Variants in NELL2 observed in about 807,000 individuals in gnomAD.
The protein encoded by NELL2 is neural EGFL like 2.
A neutral mutation model predicts 109.6 loss-of-function variants in NELL2; 41 were observed. The ratio of observed to expected loss-of-function variants is 0.37; its 90% confidence interval spans 0.29 to 0.49. NELL2 has a LOEUF of 0.49. Ranked by LOEUF, NELL2 falls within the 20% of genes least tolerant of loss-of-function variation. NELL2 has a pLI of 0.98. For missense variants in NELL2, 900 were observed against 1,008.3 expected, an observed-to-expected ratio of 0.89 and a Z score of 1.45; for synonymous variants, 355 against 344.7, an observed-to-expected ratio of 1.03 and a Z score of -0.33.
At chr12:44,737,373 C>G (rs145591709) in intron 9 of NELL2, among the ~76,000 whole-genome samples, 1 of 121,690 alleles carries the variant, frequency 8.2e-6, no homozygotes, top group African/African-American at 2.7e-5. Context: ...TTATAATAAA[C>G]AAAAAACTTG....
chr12:44,527,374 G>C (rs1941834421), intron 16 of NELL2, among the ~76,000 whole-genome samples: 2 of 152,166 alleles, frequency 1.3e-5, no homozygotes, highest in South Asian at 4.1e-4. Context: ...GTGGAAATGG[G>C]GGATGGATAA....
chr12:44,620,616 T>C (rs557982661), intron 13 of NELL2, among the ~76,000 whole-genome samples: 39 of 152,150 alleles, frequency 2.6e-4, no homozygotes, highest in African/African-American at 9.4e-4. Context: ...TACAGCTAAA[T>C]CTATCCTTAA....
chr12:44,618,757 T>C (rs530398470), intron 13 of NELL2, among the ~76,000 whole-genome samples: 1 of 152,302 alleles, frequency 6.6e-6, no homozygotes, highest in Admixed American at 6.5e-5. Context: ...AGAAGTTGTT[T>C]AGTGCCATAA....
At chr12:44,587,284 A>AAAAAAAAATATATATATATATATAT in intron 15 of NELL2, among the ~76,000 whole-genome samples, 4 of 72,200 alleles carry the variant, frequency 5.5e-5, no homozygotes, top group Non-Finnish European at 1.1e-4. Context: ...AAAAAAAAAA[A>AAAAAAAAATATATATATATATATAT]ATATATATAT....
At chr12:44,680,154 T>C (rs1375639333) in intron 12 of NELL2, among the ~76,000 whole-genome samples, 1 of 152,132 alleles carries the variant, frequency 6.6e-6, no homozygotes, top group Non-Finnish European at 1.5e-5. Flanking sequence ...ACCCAAATTG[T>C]TACCCATCCA....
intron 2 of NELL2, among the ~76,000 whole-genome samples, chr12:44,869,770 C>T (rs1331863078): frequency 6.6e-6 from 1 of 152,128 alleles, no homozygotes; most frequent in Non-Finnish European, 1.5e-5. Flanking sequence ...TTTCTAGTCA[C>T]ATCCTTGGCT....
At chr12:44,553,286 GAAA>G (rs59332982) in intron 15 of NELL2, among the ~76,000 whole-genome samples, 94 of 145,836 alleles carry the variant, frequency 6.4e-4, no homozygotes, top group East Asian at 5.6e-3. Context: ...AATAAAAAAA[GAAA>G]AAAAAAAAAA....
At chr12:44,661,011 C>T (rs984924980) in intron 13 of NELL2, among the ~76,000 whole-genome samples, 5 of 152,078 alleles carry the variant, frequency 3.3e-5, no homozygotes, top group Non-Finnish European at 7.4e-5. Flanking sequence ...TCCACTAAAG[C>T]GTTAACTGAA....
chr12:44,546,975 C>T (rs1348461947), intron 15 of NELL2, among the ~76,000 whole-genome samples: 1 of 152,144 alleles, frequency 6.6e-6, no homozygotes, highest in Non-Finnish European at 1.5e-5. Context: ...ATCTAATTTC[C>T]ATTACAATCA....
At chr12:44,856,192 T>C (rs1037637657) in intron 2 of NELL2, among the ~76,000 whole-genome samples, 2 of 152,178 alleles carry the variant, frequency 1.3e-5, no homozygotes, top group African/African-American at 2.4e-5. Flanking sequence ...CATATTAATC[T>C]AACAAATATA....
In NELL2 at chr12:44,889,123, T is replaced by C. The variant is rs191821494; in HGVS notation, c.39-13223A>G. On this transcript the variant is annotated intron_variant, in intron 1 of 20. Transcript: ENST00000333837. Reference sequence around the variant, plus strand: ...GACCTTAAACTATGCCACATCAGGATTGGCCTATTTTTATCACTCCCTCTT... The same window carrying C: ...GACCTTAAACTATGCCACATCAGGACTGGCCTATTTTTATCACTCCCTCTT... 3.0e-4 allele frequency among the ~76,000 whole-genome samples: 45 copies of C among 152,120 alleles called. No homozygotes were observed. The East Asian group carries it at 8.3e-3, about 28-fold the overall frequency.
At chr12:44,916,600 C>T (rs1024269289), upstream of NELL2, among the ~76,000 whole-genome samples, 6 of 152,134 alleles carry the variant, frequency 3.9e-5, no homozygotes, top group Admixed American at 6.5e-5. Flanking sequence ...CCTTGCACTC[C>T]TCATTGCATC....
intron 9 of NELL2, among the ~76,000 whole-genome samples, chr12:44,726,699 A>T (rs1939099879): frequency 6.6e-6 from 1 of 152,156 alleles, no homozygotes; most frequent in African/African-American, 2.4e-5. Flanking sequence ...CCGTGTTTAA[A>T]ATAAATTTAA....
chr12:44,679,727 A>T (rs1238262645), intron 12 of NELL2, among the ~76,000 whole-genome samples: 1 of 152,144 alleles, frequency 6.6e-6, no homozygotes, highest in African/African-American at 2.4e-5. Flanking sequence ...ACTCCTGGAT[A>T]TAAGCCTCCT....
At chr12:44,538,835 T>G (rs1179071704) in intron 15 of NELL2, among the ~76,000 whole-genome samples, 1 of 152,206 alleles carries the variant, frequency 6.6e-6, no homozygotes, top group African/African-American at 2.4e-5. Context: ...CTGGGAGATA[T>G]ACCAGAAAAG....
intron 12 of NELL2, among the ~76,000 whole-genome samples, chr12:44,691,769 C>CA (rs1437238187): frequency 6.6e-6 from 1 of 152,084 alleles, no homozygotes; most frequent in Non-Finnish European, 1.5e-5. Flanking sequence ...TAAAATCAAC[C>CA]ACAACATTCC....
intron 15 of NELL2, among the ~76,000 whole-genome samples, chr12:44,572,020 G>GA (rs985844695): frequency 6.6e-6 from 1 of 151,732 alleles, no homozygotes; most frequent in South Asian, 2.1e-4. Flanking sequence ...GCTCAAAAAA[G>GA]AAAAAAAGGA....
intron 3 of NELL2, among the ~76,000 whole-genome samples, chr12:44,801,546 G>C (rs1291223202): frequency 6.6e-6 from 1 of 152,094 alleles, no homozygotes; most frequent in Non-Finnish European, 1.5e-5. Context: ...AAGTAGCCTG[G>C]TTCAAATGTT....
chr12:44,772,442 A>C (rs148471836), intron 9 of NELL2, among the ~76,000 whole-genome samples: 3 of 152,202 alleles, frequency 2.0e-5, no homozygotes, highest in Non-Finnish European at 4.4e-5. Flanking sequence ...GACTTTTCAG[A>C]AGCACATTTT....
Sources: allele counts gnomAD v4.1 joint callset (sites outside exome capture counted in the v4.1 genomes callset), GRCh38; gene constraint gnomAD v4.1.1; transcripts MANE v1.5; gene names NCBI Gene and HGNC (gene_info 2026-07-23, HGNC 2026-07-21).